The following MLLT10 variants were observed in gnomAD, a reference collection of about 807,000 sequenced individuals.
MLLT10 encodes MLLT10 histone lysine methyltransferase DOT1L cofactor, also known as protein AF-10.
Under a neutral mutation model 129.1 loss-of-function variants are expected in MLLT10, and 30 were observed. That is an observed-to-expected ratio of 0.23 (90% CI 0.17 to 0.32). The LOEUF (loss-of-function observed/expected upper bound fraction) is 0.32. Ranked by LOEUF, MLLT10 falls within the 10% of genes least tolerant of loss-of-function variation. The pLI is 1.00. For synonymous variants in MLLT10, 490 were observed against 446.4 expected (o/e 1.10, Z -1.23); for missense variants, 1,119 against 1,268.3 (o/e 0.88, Z 1.79).
At chr10:21,600,422 T>C (rs575616696) in intron 5 of MLLT10, among the ~76,000 whole-genome samples, 25 of 150,640 alleles carry the variant, frequency 1.7e-4, no homozygotes, top group African/African-American at 5.7e-4. Context: ...AAACATTTCT[T>C]AGAATGAAGA....
At chr10:21,574,353 T>TA (rs943337635) in intron 3 of MLLT10, among the ~76,000 whole-genome samples, 2 of 151,646 alleles carry the variant, frequency 1.3e-5, no homozygotes, top group African/African-American at 4.8e-5. Context: ...TCTTCCTATT[T>TA]AAAAAAAAAT....
chr10:21,679,018 A>G (rs1025962487), intron 11 of MLLT10, among the ~76,000 whole-genome samples: 2 of 152,202 alleles, frequency 1.3e-5, no homozygotes, highest in African/African-American at 4.8e-5. Flanking sequence ...GACATGTTCA[A>G]ATTGTAGCAG....
At chr10:21,620,440 G>C (rs1405379142) in intron 8 of MLLT10, among the ~76,000 whole-genome samples, 2 of 152,138 alleles carry the variant, frequency 1.3e-5, no homozygotes, top group Admixed American at 6.5e-5. Flanking sequence ...ATTTACCATG[G>C]AGTTATGTCA....
At chr10:21,734,468 C>T (rs2058201346) in intron 20 of MLLT10, among the ~76,000 whole-genome samples, 2 of 151,984 alleles carry the variant, frequency 1.3e-5, no homozygotes, top group African/African-American at 4.8e-5. Context: ...TATTAGTTTC[C>T]TAAAATTTAT....
chr10:21,660,216 C>G (rs193290944), intron 9 of MLLT10, among the ~76,000 whole-genome samples: 246 of 151,964 alleles, frequency 1.6e-3, no homozygotes, highest in Non-Finnish European at 2.6e-3. Flanking sequence ...ATTTGCCCCC[C>G]CTTAACCCAC....
intron 13 of MLLT10, among the ~76,000 whole-genome samples, chr10:21,689,650 TA>T (rs2053661765): frequency 7.0e-6 from 1 of 143,856 alleles, no homozygotes; most frequent in Admixed American, 7.0e-5. Flanking sequence ...TTTATATATA[TA>T]TATATATATA....
chr10:21,675,039 T>G (rs1299768807), intron 11 of MLLT10, among the ~76,000 whole-genome samples: 1 of 152,208 alleles, frequency 6.6e-6, no homozygotes, highest in Non-Finnish European at 1.5e-5. Context: ...AGGTCAGATG[T>G]GAGAAATAGT....
intron 14 of MLLT10, among the ~76,000 whole-genome samples, chr10:21,723,084 T>A (rs2057245010): frequency 6.6e-6 from 1 of 152,226 alleles, no homozygotes; most frequent in Non-Finnish European, 1.5e-5. Context: ...AATAATACTT[T>A]CATTTATTGT....
At chr10:21,707,688 A>G (rs2055667263) in intron 13 of MLLT10, among the ~76,000 whole-genome samples, 1 of 152,192 alleles carries the variant, frequency 6.6e-6, no homozygotes, top group South Asian at 2.1e-4. Flanking sequence ...TTAAAAAGTG[A>G]GTCATACTAT....
rs898322400 is a variant in MLLT10 at position 21,740,068 on chromosome 10, T to C, written c.2994T>C (p.His998=). The C allele has an allele frequency of 3.7e-6, 6 of 1,613,254 alleles. No individual in the cohort carries two copies. The highest frequency in any genetic ancestry group is 1.7e-5 in the Admixed American group (1 of 59,850). ...HQAFLYQLMQ[H]HHQQHHQPEL... is the part of the protein sequence containing the mutation. ...CCTTTTTGTATCAGTTAATGCAACA[T>C]CACCACCAGCAGCACCACCAACCTG... The change falls in exon 22 of 23, where the codon CAT becomes CAC. Residue 998 remains histidine, a synonymous_variant. Coordinates refer to ENST00000307729, the MANE Select transcript of MLLT10 (RefSeq NM_001195626.3).
chr10:21,534,318 C>CT lies in MLLT10; in HGVS notation c.-203_-202insT. 2.5e-6 allele frequency: 1 copy of CT among 395,324 alleles called. No individual in the cohort carries two copies. The highest frequency in any genetic ancestry group is 4.5e-6 in the Non-Finnish European group (1 of 222,746). 24.5% of individuals were successfully genotyped at this position (395,324 alleles called of 1,614,324 possible). On this transcript the variant is annotated 5_prime_UTR_variant, in exon 1 of 23. Transcript: ENST00000307729. ...TGGCCCAGCGGGAGCCCCCCCTCCC[C>CT]CCAGTGCGCCTGTGCGGAGGCCCTC...
chr10:21,720,542 A>G (rs868693464), intron 14 of MLLT10, among the ~76,000 whole-genome samples: 1 of 152,350 alleles, frequency 6.6e-6, no homozygotes, highest in East Asian at 1.9e-4. Flanking sequence ...CTAATCAAAT[A>G]TATTGTGTTC....
intron 14 of MLLT10, among the ~76,000 whole-genome samples, chr10:21,723,601 A>G (rs1365557916): frequency 6.6e-6 from 1 of 152,208 alleles, no homozygotes; most frequent in Non-Finnish European, 1.5e-5. Flanking sequence ...TGAGAATGCT[A>G]TCCTCAGTGT....
intron 13 of MLLT10, among the ~76,000 whole-genome samples, chr10:21,694,000 T>A (rs1189999196): frequency 6.6e-6 from 1 of 152,148 alleles, no homozygotes; most frequent in East Asian, 1.9e-4. Context: ...TTTTTCTTTT[T>A]AAAAAAAGAG....
At chr10:21,644,383 C>G (rs144650072) in intron 8 of MLLT10, among the ~76,000 whole-genome samples, 11 of 151,940 alleles carry the variant, frequency 7.2e-5, no homozygotes, top group African/African-American at 2.7e-4. Context: ...GTTTTTGAGA[C>G]GATGGTTTAA....
At chr10:21,704,355 CTCTATATATA>C (rs1449820316) in intron 13 of MLLT10, among the ~76,000 whole-genome samples, 397 of 70,440 alleles carry the variant, frequency 5.6e-3, no homozygotes, top group East Asian at 0.026. Flanking sequence ...CTCTCTCTCT[CTCTATATATA>C]TATATATATA....
At chr10:21,704,012 T>C (rs1271976170) in intron 13 of MLLT10, among the ~76,000 whole-genome samples, 2 of 123,920 alleles carry the variant, frequency 1.6e-5, no homozygotes, top group African/African-American at 6.4e-5. Context: ...TTCGATTGTT[T>C]TTTGTTTTTT....
chr10:21,625,587 T>A lies in MLLT10; in HGVS notation c.699+8380T>A, dbSNP rs138558421. 1.3e-4 allele frequency: 102 copies of A among 760,062 alleles called. No homozygotes were observed. In the East Asian group the frequency reaches 2.5e-3, roughly 18 times the overall value. 47.1% of individuals were successfully genotyped at this position (760,062 alleles called of 1,614,324 possible). ...TTAAGGAAGCAGAACCCCCATTTCT[T>A]CTTTTTGTCATCAGGTTGATCATAG... On this transcript the variant is annotated intron_variant, in intron 8 of 22. Transcript: ENST00000307729.
intron 8 of MLLT10, among the ~76,000 whole-genome samples, chr10:21,647,797 T>C (rs1181957280): frequency 6.6e-6 from 1 of 152,134 alleles, no homozygotes; most frequent in African/African-American, 2.4e-5. Context: ...TTTTTAATTT[T>C]ACCGTCTTCC....
Sources: gnomAD v4.1 joint callset for allele counts (sites outside exome capture counted in the v4.1 genomes callset) on GRCh38, gnomAD v4.1.1 for gene constraint, MANE v1.5 for transcripts, NCBI Gene and HGNC (gene_info 2026-07-23, HGNC 2026-07-21) for gene names.